NAV3: variants seen among roughly 807,000 people sequenced by gnomAD.
NAV3 encodes pore membrane and/or filament interacting like protein 1.
NAV3 carries 87 observed loss-of-function variants against 244.7 expected under a neutral mutation model. The observed-to-expected ratio is 0.36, with a 90% CI of 0.30 to 0.42. The LOEUF (loss-of-function observed/expected upper bound fraction) is 0.42. NAV3 is among the 20% of genes least tolerant of loss of function. The pLI, the probability that NAV3 is intolerant of heterozygous loss-of-function variation, is 1.00. For missense variants in NAV3, 2,663 were observed against 2,893.3 expected (o/e 0.92, Z 1.83); for synonymous variants, 1,126 against 1,042.2 (o/e 1.08, Z -1.55).
At chr12:77,752,296 G>T (rs1868898058) in intron 2 of NAV3, among the ~76,000 whole-genome samples, 1 of 152,082 alleles carries the variant, frequency 6.6e-6, no homozygotes, top group Non-Finnish European at 1.5e-5. Flanking sequence ...AAGCTGGGAA[G>T]GAAACTATTT....
chr12:77,587,903 C>T (rs1303277904), intron 2 of NAV3, among the ~76,000 whole-genome samples: 2 of 152,100 alleles, frequency 1.3e-5, no homozygotes, highest in Non-Finnish European at 2.9e-5. Flanking sequence ...GTAACTTTCC[C>T]GAGGTTAACT....
At chr12:78,140,634 A>G (rs543563721) in intron 20 of NAV3, among the ~76,000 whole-genome samples, 83 of 152,250 alleles carry the variant, frequency 5.5e-4, no homozygotes, top group Admixed American at 1.0e-3. Flanking sequence ...CTCTGAAACC[A>G]TGTATGTAGT....
chr12:77,712,606 T>C (rs1876174298), intron 2 of NAV3, among the ~76,000 whole-genome samples: 1 of 152,174 alleles, frequency 6.6e-6, no homozygotes, highest in African/African-American at 2.4e-5. Flanking sequence ...AGTGACCCAA[T>C]GGTTCTTATA....
chr12:78,199,843 A>T (rs1959453605), intron 37 of NAV3, among the ~76,000 whole-genome samples: 3 of 152,000 alleles, frequency 2.0e-5, no homozygotes, highest in Admixed American at 6.6e-5. Context: ...GCTAAAAACA[A>T]ATTTGGCTAA....
At chr12:77,926,878 A>C (rs1472219373) in intron 1 of NAV3, among the ~76,000 whole-genome samples, 1 of 152,248 alleles carries the variant, frequency 6.6e-6, no homozygotes, top group Non-Finnish European at 1.5e-5. Context: ...TTGGAAAGTA[A>C]GGAGAAATGC....
At chr12:77,715,342 T>C (rs1876310435) in intron 2 of NAV3, among the ~76,000 whole-genome samples, 1 of 151,898 alleles carries the variant, frequency 6.6e-6, no homozygotes, top group African/African-American at 2.4e-5. Context: ...AAAATTATCT[T>C]TAAAACTATG....
At chr12:77,627,865 C>T (rs1335742558) in intron 2 of NAV3, among the ~76,000 whole-genome samples, 1 of 152,088 alleles carries the variant, frequency 6.6e-6, no homozygotes, top group Non-Finnish European at 1.5e-5. Context: ...TCTTTTGCAG[C>T]AACATGGTGG....
At chr12:77,817,536 T>C (rs1872569883) in intron 2 of NAV3, among the ~76,000 whole-genome samples, 1 of 145,772 alleles carries the variant, frequency 6.9e-6, no homozygotes, top group African/African-American at 2.5e-5. Flanking sequence ...AAGACCAAAC[T>C]ATGCTTTTTT....
chr12:77,823,930 C>CA (rs1872852749), intron 2 of NAV3, among the ~76,000 whole-genome samples: 1 of 152,040 alleles, frequency 6.6e-6, no homozygotes, highest in African/African-American at 2.4e-5. Flanking sequence ...AAAAGACACC[C>CA]AAATGGAACT....
chr12:77,947,879 A>G (rs1243017530), intron 3 of NAV3, among the ~76,000 whole-genome samples: 1 of 152,074 alleles, frequency 6.6e-6, no homozygotes, highest in African/African-American at 2.4e-5. Context: ...AAATGAAGTA[A>G]TTGACATAAC....
intron 5 of NAV3, among the ~76,000 whole-genome samples, chr12:77,980,044 G>T (rs192415164): frequency 6.6e-6 from 1 of 152,174 alleles, no homozygotes; most frequent in Non-Finnish European, 1.5e-5. Flanking sequence ...AGAGGAATTG[G>T]TCAACAGGAA....
At chr12:77,580,219 AACAC>A (rs59671759) in intron 2 of NAV3, among the ~76,000 whole-genome samples, 8,468 of 145,372 alleles carry the variant, frequency 0.058, 269 homozygotes, top group Non-Finnish European at 0.077. Flanking sequence ...GTAGGGTGGG[AACAC>A]ACACACACAC....
intron 1 of NAV3, among the ~76,000 whole-genome samples, chr12:77,923,913 C>T (rs1887945256): frequency 6.6e-6 from 1 of 152,140 alleles, no homozygotes; most frequent in Admixed American, 6.5e-5. Flanking sequence ...ACAATGATCT[C>T]TGCAAGGGAA....
At chr12:78,062,738 C>T (rs556970767) in intron 12 of NAV3, among the ~76,000 whole-genome samples, 1 of 152,204 alleles carries the variant, frequency 6.6e-6, no homozygotes, top group Admixed American at 6.5e-5. Context: ...TACAAGGATT[C>T]AGGTCTTTTA....
chr12:77,980,414 T>C (rs1869358232), intron 5 of NAV3, among the ~76,000 whole-genome samples: 1 of 152,200 alleles, frequency 6.6e-6, no homozygotes, highest in African/African-American at 2.4e-5. Context: ...TAGATATTCA[T>C]CTTTTAAATG....
intron 2 of NAV3, among the ~76,000 whole-genome samples, chr12:77,787,147 C>T (rs1462218181): frequency 1.3e-5 from 2 of 151,984 alleles, no homozygotes; most frequent in Non-Finnish European, 2.9e-5. Context: ...AGACCAGCAG[C>T]TATTGCTTAG....
chr12:77,743,685 T>A (rs1868391722), intron 2 of NAV3, among the ~76,000 whole-genome samples: 1 of 151,696 alleles, frequency 6.6e-6, no homozygotes, highest in South Asian at 2.1e-4. Context: ...ATATACTGAA[T>A]GAAAGAAACA....
At chr12:78,012,025 C>T (rs1875375824) in intron 8 of NAV3, among the ~76,000 whole-genome samples, 1 of 140,612 alleles carries the variant, frequency 7.1e-6, no homozygotes, top group Admixed American at 7.0e-5. Context: ...CCAGGTCCCT[C>T]CCTCTACACA....
chr12:77,942,665 T>C (rs1483025778), intron 3 of NAV3, among the ~76,000 whole-genome samples: 1 of 152,158 alleles, frequency 6.6e-6, no homozygotes, highest in Non-Finnish European at 1.5e-5. Flanking sequence ...CTGTGTGATG[T>C]TGAGAAAAAT....
Sources: gnomAD v4.1 joint callset for allele counts (sites outside exome capture counted in the v4.1 genomes callset) on GRCh38, gnomAD v4.1.1 for gene constraint, MANE v1.5 for transcripts, NCBI Gene and HGNC (gene_info 2026-07-23, HGNC 2026-07-21) for gene names.